GPR149: variants seen among roughly 807,000 people sequenced by gnomAD.
GPR149 encodes probable G protein-coupled receptor 149.
GPR149 carries 50 observed loss-of-function variants against 50.2 expected under a neutral mutation model. The ratio of observed to expected loss-of-function variants is 1.00; its 90% CI spans 0.79 to 1.26. The LOEUF (loss-of-function observed/expected upper bound fraction) is 1.26, where lower values mean the gene tolerates loss of function less well. Ranked by LOEUF, GPR149 falls within the 50% of genes most tolerant of loss-of-function variation. The pLI, the probability that GPR149 is intolerant of heterozygous loss-of-function variation, is 0.00. For synonymous variants in GPR149, 405 were observed against 358.2 expected (o/e 1.13, Z -1.48); for missense variants, 983 against 895.4 (o/e 1.10, Z -1.25).
At chr3:154,339,137 A>G (rs1713724181) in intron 3 of GPR149, among the ~76,000 whole-genome samples, 1 of 152,220 alleles carries the variant, frequency 6.6e-6, no homozygotes. Context: ...CTTCTAGAGC[A>G]GTAATTCTCA....
At chr3:154,402,449 T>TAAATAA (rs1553766101) in intron 3 of GPR149, among the ~76,000 whole-genome samples, 78 of 56,318 alleles carry the variant, frequency 1.4e-3, no homozygotes, top group African/African-American at 3.4e-3. Context: ...TAAATAAATA[T>TAAATAA]AGAATAGAAA....
rs567879300 is a variant in GPR149 at position 154,361,643 on chromosome 3, T to A, written c.1624-23372A>T. Among the ~76,000 whole-genome samples the A allele has an allele frequency of 2.0e-4, 30 of 152,296 alleles. No homozygotes were observed. In the South Asian group the frequency reaches 6.0e-3, roughly 30 times the overall value. On this transcript the variant is annotated intron_variant, in intron 3 of 3. Transcript: ENST00000389740. ...TTTGGACCAGTACGGGGTGCTTTTT[T>A]TCTTTTCTCTATCAAAACTTGTTAG...
intron 3 of GPR149, among the ~76,000 whole-genome samples, chr3:154,384,832 C>T (rs542485159): frequency 1.3e-5 from 2 of 152,292 alleles, no homozygotes; most frequent in Non-Finnish European, 2.9e-5. Context: ...ATTCTAACAT[C>T]AGGATGACCA....
chr3:154,429,843 G>T lies in GPR149; in HGVS notation c.-228C>A. On this transcript the variant is annotated 5_prime_UTR_variant, in exon 1 of 4. It adds an upstream start codon to the 5' untranslated region. Transcript: ENST00000389740. ...GCATAAAAAAAAAAAAACCCGAACAGATAACTTTTCAACATTCCAATTAAA... is the reference window on the plus strand; with the variant it reads ...GCATAAAAAAAAAAAAACCCGAACATATAACTTTTCAACATTCCAATTAAA... 1 of 395,064 alleles carries T rather than the reference G, an allele frequency of 2.5e-6. No individual in the cohort carries two copies. Among genetic ancestry groups the T allele is most frequent in the Non-Finnish European group, 4.4e-6 (1 of 225,654 alleles). The allele number at this position is 395,064 out of a possible 1,614,324, so 24.5% of individuals were successfully genotyped here.
chr3:154,421,982 A>T (rs560886999), intron 2 of GPR149, among the ~76,000 whole-genome samples: 103 of 151,848 alleles, frequency 6.8e-4, no homozygotes, highest in African/African-American at 2.4e-3. Context: ...TTGGTATATA[A>T]TTTTTTGTCA....
Position 154,428,691 on chromosome 3 carries a change from TCTGCGCTA to T in GPR149, c.917_924del (p.Val306GlufsTer90), listed in dbSNP as rs1712379005. 6 of 1,614,164 alleles carry T rather than the reference TCTGCGCTA, an allele frequency of 3.7e-6. No individual in the cohort carries two copies. In the East Asian group the frequency reaches 1.3e-4, roughly 36 times the overall value. On this transcript the variant is annotated frameshift_variant, in exon 1 of 4. Transcript: ENST00000389740. LOFTEE classifies it high-confidence loss of function. ...AGCGCTAGGATCAAAGCGAAGCGCT[TCTGCGCTA>T]CGCTCACGGTGAAGCTCCTGGTGCC... is the stretch of plus-strand genomic sequence containing the variant.
At chr3:154,412,387 G>A (rs555364681) in intron 3 of GPR149, among the ~76,000 whole-genome samples, 2 of 152,146 alleles carry the variant, frequency 1.3e-5, no homozygotes, top group South Asian at 4.1e-4. Context: ...TTGGCACAGA[G>A]GAAGTCAAAC....
At chr3:154,426,771 A>G (rs987220877) in intron 2 of GPR149, among the ~76,000 whole-genome samples, 1 of 151,802 alleles carries the variant, frequency 6.6e-6, no homozygotes, top group Non-Finnish European at 1.5e-5. Flanking sequence ...TAAGTAAATA[A>G]CTTGGCTAGA....
intron 3 of GPR149, among the ~76,000 whole-genome samples, chr3:154,371,727 T>G (rs1396341821): frequency 6.6e-6 from 1 of 152,152 alleles, no homozygotes; most frequent in East Asian, 1.9e-4. Context: ...ACTGAAAAGG[T>G]CAAAGAAATA....
At chr3:154,387,627 A>G (rs1000752773) in intron 3 of GPR149, among the ~76,000 whole-genome samples, 4 of 152,160 alleles carry the variant, frequency 2.6e-5, no homozygotes, top group Non-Finnish European at 5.9e-5. Flanking sequence ...ATCATCTACT[A>G]TCTCTGGTTG....
Position 154,335,081 on chromosome 3 carries a change from C to T in GPR149, c.*2618G>A, listed in dbSNP as rs1366757705. On this transcript the variant is annotated 3_prime_UTR_variant, in exon 4 of 4. Coordinates refer to ENST00000389740, the MANE Select transcript of GPR149 (RefSeq NM_001038705.3). ...AGGTGTTTATACTATTTGGGAGTCT[C>T]GGGGATTACGTGTTTGCAGTTTATA... The T allele has an allele frequency of 2.0e-5, 3 of 151,806 alleles. No individual in the cohort carries two copies. Among genetic ancestry groups the T allele is most frequent in the South Asian group, 2.1e-4 (1 of 4,808 alleles). 9.4% of individuals were successfully genotyped at this position (151,806 alleles called of 1,614,324 possible).
intron 3 of GPR149, among the ~76,000 whole-genome samples, chr3:154,392,152 A>C (rs2108413077): frequency 6.6e-6 from 1 of 152,050 alleles, no homozygotes; most frequent in Non-Finnish European, 1.5e-5. Context: ...TATAGAACAA[A>C]TTAATCTAAC....
intron 3 of GPR149, among the ~76,000 whole-genome samples, chr3:154,396,553 A>G (rs1271893309): frequency 6.6e-6 from 1 of 152,128 alleles, no homozygotes; most frequent in Non-Finnish European, 1.5e-5. Context: ...TAATCATTAT[A>G]TAATTTGGTA....
intron 3 of GPR149, among the ~76,000 whole-genome samples, chr3:154,345,067 C>T (rs1020663269): frequency 6.6e-6 from 1 of 152,180 alleles, no homozygotes; most frequent in African/African-American, 2.4e-5. Context: ...TGAACATTCT[C>T]TTGTTGATCT....
chr3:154,357,845 G>A (rs1022715152), intron 3 of GPR149, among the ~76,000 whole-genome samples: 1 of 152,168 alleles, frequency 6.6e-6, no homozygotes, highest in African/African-American at 2.4e-5. Context: ...GCACACGTAT[G>A]TTTATTGCGG....
intron 3 of GPR149, among the ~76,000 whole-genome samples, chr3:154,407,151 T>C (rs977856494): frequency 3.3e-5 from 5 of 152,144 alleles, no homozygotes; most frequent in Admixed American, 6.5e-5. Context: ...TTATGGGAGC[T>C]ACAATTCAAA....
chr3:154,379,833 T>C (rs1209779880), intron 3 of GPR149, among the ~76,000 whole-genome samples: 2 of 152,154 alleles, frequency 1.3e-5, no homozygotes, highest in Non-Finnish European at 2.9e-5. Context: ...TCATAATTAC[T>C]GTGTCTTTAT....
At chr3:154,356,842 A>T (rs908529861) in intron 3 of GPR149, among the ~76,000 whole-genome samples, 2 of 152,198 alleles carry the variant, frequency 1.3e-5, no homozygotes, top group Non-Finnish European at 2.9e-5. Context: ...TTTAAAGTTC[A>T]TATGGAACCA....
At chr3:154,394,532 C>T (rs186360665) in intron 3 of GPR149, among the ~76,000 whole-genome samples, 20 of 152,086 alleles carry the variant, frequency 1.3e-4, no homozygotes, top group African/African-American at 4.6e-4. Context: ...AAACGAAAAA[C>T]AGACAAGTGG....
Sources: allele counts gnomAD v4.1 joint callset (sites outside exome capture counted in the v4.1 genomes callset), GRCh38; gene constraint gnomAD v4.1.1; transcripts MANE v1.5; gene names NCBI Gene and HGNC (gene_info 2026-07-23, HGNC 2026-07-21).